MAP4K3: variants seen among roughly 807,000 people sequenced by gnomAD.
MAP4K3 encodes the protein mitogen-activated protein kinase kinase kinase kinase 3.
MAP4K3 carries 94 observed loss-of-function variants against 143.5 expected under a neutral mutation model. That is an observed-to-expected ratio of 0.65 (90% CI 0.55 to 0.78). The LOEUF is 0.78. Ranked by LOEUF, MAP4K3 falls within the 30% of genes least tolerant of loss-of-function variation. The pLI, the probability that MAP4K3 is intolerant of heterozygous loss-of-function variation, is 0.00. For missense variants in MAP4K3, 1,077 were observed against 1,068.1 expected (o/e 1.01, Z -0.12); for synonymous variants, 416 against 347.2 (o/e 1.20, Z -2.20).
intron 1 of MAP4K3, among the ~76,000 whole-genome samples, chr2:39,397,429 T>C (rs1219223856): frequency 1.3e-5 from 2 of 152,158 alleles, no homozygotes. Flanking sequence ...ATCACAAATG[T>C]GCAAACTTAA....
chr2:39,303,500 T>G (rs1682586451), intron 15 of MAP4K3, among the ~76,000 whole-genome samples: 1 of 152,136 alleles, frequency 6.6e-6, no homozygotes, highest in Non-Finnish European at 1.5e-5. Flanking sequence ...TGTTACTATT[T>G]ATTTATGCCC....
intron 18 of MAP4K3, among the ~76,000 whole-genome samples, chr2:39,291,721 A>G (rs1355160545): frequency 6.6e-6 from 1 of 152,068 alleles, no homozygotes; most frequent in Admixed American, 6.6e-5. Flanking sequence ...ACCCATCTCT[A>G]CCAAAAAATA....
intron 24 of MAP4K3, 117 bp downstream of exon 24, chr2:39,278,290 A>C: frequency 1.7e-6 from 1 of 605,076 alleles, no homozygotes; most frequent in South Asian, 2.9e-5. Context: ...AAAACAAAAC[A>C]AAACAAAAAA....
intron 1 of MAP4K3, among the ~76,000 whole-genome samples, chr2:39,426,760 T>G (rs1558351821): frequency 6.6e-6 from 1 of 152,034 alleles, no homozygotes; most frequent in African/African-American, 2.4e-5. Flanking sequence ...AACAGCAGAT[T>G]AGACAGACAT....
chr2:39,303,467 A>G (rs72925244), intron 15 of MAP4K3, among the ~76,000 whole-genome samples: 11,457 of 152,150 alleles, frequency 0.075, 1,443 homozygotes, highest in African/African-American at 0.26. Context: ...GGCATACTAT[A>G]TACTTCTTCA....
chr2:39,374,288 G>A (rs1266513428), intron 2 of MAP4K3, among the ~76,000 whole-genome samples: 1 of 152,100 alleles, frequency 6.6e-6, no homozygotes, highest in Non-Finnish European at 1.5e-5. Context: ...AAGATTGCTT[G>A]AACCCGGAGG....
intron 24 of MAP4K3, among the ~76,000 whole-genome samples, chr2:39,273,396 A>C (rs572210201): frequency 5.8e-4 from 88 of 152,302 alleles, no homozygotes; most frequent in African/African-American, 1.9e-3. Flanking sequence ...ATTCTGAGGC[A>C]GACTGAAGTT....
intron 4 of MAP4K3, among the ~76,000 whole-genome samples, chr2:39,338,314 T>A (rs951328545): frequency 1.8e-4 from 28 of 152,190 alleles, no homozygotes; most frequent in Non-Finnish European, 7.4e-5. Context: ...AGAACATGTA[T>A]TATGACTAGT....
chr2:39,405,820 C>T (rs1422176294), intron 1 of MAP4K3, among the ~76,000 whole-genome samples: 6 of 151,766 alleles, frequency 4.0e-5, no homozygotes, highest in African/African-American at 1.5e-4. Context: ...TACAGTGAGC[C>T]GAGATCATGC....
chr2:39,269,323 G>T (rs1434624927), intron 26 of MAP4K3, among the ~76,000 whole-genome samples: 3 of 151,768 alleles, frequency 2.0e-5, no homozygotes. Flanking sequence ...TTTATATATT[G>T]ACCTATTTAT....
Position 39,293,285 on chromosome 2 carries a change from A to G in MAP4K3, c.1179-17T>C. ...AGAAGACTCCTTAAAAGAAAAAACA[A>G]AAACAAAAAATAATGTGAATAAATT... On this transcript the variant is annotated splice_polypyrimidine_tract_variant and intron_variant, in intron 16 of 33. Transcript: ENST00000263881. 6.9e-7 allele frequency: 1 copy of G among 1,448,882 alleles called. No individual in the cohort carries two copies. The allele number at this position is 1,448,882 out of a possible 1,614,324, so 89.8% of individuals were successfully genotyped here. A position where few individuals can be genotyped will look rare whatever the true frequency, so the allele number is the denominator to read the frequency against.
chr2:39,388,148 TG>T (rs1450766905), intron 1 of MAP4K3, among the ~76,000 whole-genome samples: 5 of 152,170 alleles, frequency 3.3e-5, no homozygotes, highest in Non-Finnish European at 1.5e-5. Flanking sequence ...ACAGTAGCAC[TG>T]AGTTTGGGAA....
intron 4 of MAP4K3, among the ~76,000 whole-genome samples, chr2:39,338,881 T>G (rs1377780076): frequency 6.6e-6 from 1 of 152,234 alleles, no homozygotes; most frequent in African/African-American, 2.4e-5. Flanking sequence ...ACCAAACCTG[T>G]TGGCACCTTG....
At chr2:39,332,489 G>A (rs1024257279) in intron 7 of MAP4K3, among the ~76,000 whole-genome samples, 1 of 151,894 alleles carries the variant, frequency 6.6e-6, no homozygotes, top group Non-Finnish European at 1.5e-5. Flanking sequence ...TTTAGTACCA[G>A]TATCAGTCAC....
At chr2:39,414,532 C>G (rs1006336750) in intron 1 of MAP4K3, among the ~76,000 whole-genome samples, 5 of 152,132 alleles carry the variant, frequency 3.3e-5, no homozygotes, top group African/African-American at 1.2e-4. Flanking sequence ...GCTTGCAGAT[C>G]TCTTTCTTCT....
intron 3 of MAP4K3, among the ~76,000 whole-genome samples, chr2:39,355,809 T>C (rs951057431): frequency 1.3e-5 from 2 of 152,178 alleles, no homozygotes; most frequent in African/African-American, 4.8e-5. Context: ...TTATAGTTCC[T>C]AGTTCTTTGG....
intron 1 of MAP4K3, among the ~76,000 whole-genome samples, chr2:39,388,994 T>A (rs888704775): frequency 6.6e-6 from 1 of 152,076 alleles, no homozygotes; most frequent in Admixed American, 6.6e-5. Context: ...ATCAAATCCA[T>A]AGAAGTTAAA....
In MAP4K3 at chr2:39,325,522, G is replaced by A. The variant is rs746008957; in HGVS notation, c.914C>T (p.Pro305Leu). The change falls in exon 12 of 34, where the codon CCT becomes CTT. Residue 305 changes from proline (P) to leucine (L), a missense_variant. Pro to Leu is a moderately conservative substitution (Grantham distance 98, BLOSUM62 -3). Coordinates refer to ENST00000263881, the MANE Select transcript of MAP4K3 (RefSeq NM_003618.4). ...GCTGGTAAAAGCAATTCCTACCTCA[G>A]GATCATCATCATCGAAATCATGGTA... ...STYHDFDDDD[P>L]EPLVAVPHRI... is the part of the protein sequence containing the mutation. The A allele has an allele frequency of 8.7e-6, 14 of 1,607,950 alleles. No individual in the cohort carries two copies. The African/African-American group carries it at 1.7e-4, about 20-fold the overall frequency.
intron 2 of MAP4K3, among the ~76,000 whole-genome samples, chr2:39,375,740 G>C (rs1666200736): frequency 6.6e-6 from 1 of 152,028 alleles, no homozygotes. Flanking sequence ...GACCCTTCAC[G>C]TACAATAATT....
Sources: allele counts gnomAD v4.1 joint callset (sites outside exome capture counted in the v4.1 genomes callset), GRCh38; gene constraint gnomAD v4.1.1; transcripts MANE v1.5; gene names NCBI Gene and HGNC (gene_info 2026-07-23, HGNC 2026-07-21).